NCKAP5: variants seen among roughly 807,000 people sequenced by gnomAD.
The protein encoded by NCKAP5 is NCK associated protein 5.
NCKAP5 carries 92 observed loss-of-function variants against 167.0 expected under a neutral mutation model. The observed-to-expected ratio is 0.55, with a 90% CI of 0.47 to 0.66. NCKAP5 has a LOEUF of 0.66. Among genes scored for constraint, NCKAP5 ranks in the 30% least tolerant of loss-of-function variants. The pLI is 0.00. For missense variants in NCKAP5, 2,378 were observed against 2,315.0 expected, an observed-to-expected ratio of 1.03 and a Z score of -0.56; for synonymous variants, 891 against 877.4, an observed-to-expected ratio of 1.02 and a Z score of -0.27.
intron 2 of NCKAP5, among the ~76,000 whole-genome samples, chr2:133,518,344 A>ATTTTTTTTTTTTTTTTTTT (rs751025050): frequency 1.3e-5 from 1 of 74,616 alleles, no homozygotes; most frequent in African/African-American, 4.8e-5. Flanking sequence ...ACAGTAAAGG[A>ATTTTTTTTTTTTTTTTTTT]TTTTTTTTTT....
chr2:133,510,434 T>C (rs1016663168), intron 3 of NCKAP5, among the ~76,000 whole-genome samples: 1 of 152,140 alleles, frequency 6.6e-6, no homozygotes, highest in Admixed American at 6.5e-5. Context: ...TAAATCGCAA[T>C]CTCTTCTAAA....
chr2:132,973,098 T>C (rs2076881429), intron 7 of NCKAP5, among the ~76,000 whole-genome samples: 1 of 152,178 alleles, frequency 6.6e-6, no homozygotes, highest in Non-Finnish European at 1.5e-5. Context: ...CCTAGTTTTG[T>C]GTACAAAGGC....
At chr2:133,313,714 C>T (rs1411630851) in intron 3 of NCKAP5, among the ~76,000 whole-genome samples, 1 of 151,856 alleles carries the variant, frequency 6.6e-6, no homozygotes, top group African/African-American at 2.4e-5. Context: ...AAGTCAGTAA[C>T]ATGTCATTTG....
At chr2:133,036,103 A>G (rs1453734031) in intron 6 of NCKAP5, among the ~76,000 whole-genome samples, 1 of 151,916 alleles carries the variant, frequency 6.6e-6, no homozygotes, top group Non-Finnish European at 1.5e-5. Context: ...CTAGATACAT[A>G]GAACCAAGAT....
chr2:133,403,462 A>G (rs778447782), intron 3 of NCKAP5, among the ~76,000 whole-genome samples: 1 of 152,210 alleles, frequency 6.6e-6, no homozygotes, highest in Non-Finnish European at 1.5e-5. Flanking sequence ...AGTCTAGTCA[A>G]TGATGTTTTA....
chr2:132,920,789 A>ATG (rs1558943454), intron 8 of NCKAP5, among the ~76,000 whole-genome samples: 1 of 70,496 alleles, frequency 1.4e-5, no homozygotes, highest in South Asian at 4.0e-4. Flanking sequence ...ATATATATAT[A>ATG]TATATATATA....
At chr2:133,604,983 C>A in the NCKAP5 span, among the ~76,000 whole-genome samples, 2 of 152,222 alleles carry the variant, frequency 1.3e-5, no homozygotes, top group Non-Finnish European at 2.9e-5. Flanking sequence ...GCCTTCCCTT[C>A]CCTCTTCCCA....
chr2:133,366,167 T>C (rs1685447193), intron 3 of NCKAP5, among the ~76,000 whole-genome samples: 1 of 152,200 alleles, frequency 6.6e-6, no homozygotes, highest in African/African-American at 2.4e-5. Flanking sequence ...TGGACAACCA[T>C]TTTGAGTAAC....
intron 5 of NCKAP5, among the ~76,000 whole-genome samples, chr2:133,168,970 A>G (rs1364758438): frequency 1.3e-5 from 2 of 152,146 alleles, no homozygotes; most frequent in East Asian, 3.9e-4. Context: ...CTCTTGCTGG[A>G]CAGCCCTGGG....
intron 3 of NCKAP5, among the ~76,000 whole-genome samples, chr2:133,397,557 T>C (rs1687809481): frequency 6.6e-6 from 1 of 152,232 alleles, no homozygotes; most frequent in South Asian, 2.1e-4. Context: ...GCCTCTGTTA[T>C]CTTTATTCTC....
chr2:133,450,380 T>C (rs966917371), intron 3 of NCKAP5, among the ~76,000 whole-genome samples: 8 of 152,166 alleles, frequency 5.3e-5, no homozygotes, highest in Admixed American at 4.6e-4. Context: ...CAGCATATGT[T>C]GACCAGTCCA....
At chr2:133,562,856 T>C (rs1274632174) in intron 1 of NCKAP5, among the ~76,000 whole-genome samples, 2 of 152,210 alleles carry the variant, frequency 1.3e-5, no homozygotes, top group Non-Finnish European at 2.9e-5. Flanking sequence ...TAGGCAAGTA[T>C]GTATTGGGGC....
chr2:133,104,319 A>G (rs1264782184), intron 6 of NCKAP5, among the ~76,000 whole-genome samples: 4 of 152,186 alleles, frequency 2.6e-5, no homozygotes, highest in Non-Finnish European at 4.4e-5. Flanking sequence ...TACATCCTGG[A>G]CTATGTCCTC....
chr2:132,766,507 A>T (rs1252318544), intron 16 of NCKAP5, among the ~76,000 whole-genome samples: 1 of 152,136 alleles, frequency 6.6e-6, no homozygotes, highest in Non-Finnish European at 1.5e-5. Flanking sequence ...ATGGTTAGAA[A>T]AATCCAGTCG....
chr2:133,285,929 A>C (rs550859067), intron 4 of NCKAP5, among the ~76,000 whole-genome samples: 1 of 152,308 alleles, frequency 6.6e-6, no homozygotes, highest in East Asian at 1.9e-4. Flanking sequence ...TGAAAGCTAA[A>C]GTAATCTTCT....
the NCKAP5 span, among the ~76,000 whole-genome samples, chr2:133,604,960 T>C: frequency 2.6e-5 from 4 of 152,226 alleles, no homozygotes; most frequent in African/African-American, 2.4e-5. Context: ...GACACAGTGA[T>C]GAGAAGGCTA....
chr2:132,846,281 A>T (rs1454577474), intron 11 of NCKAP5, among the ~76,000 whole-genome samples: 1 of 152,172 alleles, frequency 6.6e-6, no homozygotes, highest in African/African-American at 2.4e-5. Flanking sequence ...ACATAAATCT[A>T]GGTGAACAGT....
chr2:132,914,435 T>A (rs537940489), intron 8 of NCKAP5, among the ~76,000 whole-genome samples: 2 of 152,142 alleles, frequency 1.3e-5, no homozygotes, highest in South Asian at 4.2e-4. Context: ...AGAGGAAATT[T>A]GGGGAAATTT....
intron 5 of NCKAP5, among the ~76,000 whole-genome samples, chr2:133,202,814 G>A (rs563082523): frequency 5.3e-5 from 8 of 152,188 alleles, no homozygotes; most frequent in South Asian, 4.1e-4. Context: ...GGCCATCAGA[G>A]AAATGCAAAT....
Sources: allele counts gnomAD v4.1 joint callset (sites outside exome capture counted in the v4.1 genomes callset), GRCh38; gene constraint gnomAD v4.1.1; transcripts MANE v1.5; gene names NCBI Gene and HGNC (gene_info 2026-07-23, HGNC 2026-07-21).